MTFR1: variants seen among roughly 807,000 people sequenced by gnomAD.
MTFR1 encodes the protein chondrocyte protein with a poly-proline region.
In MTFR1, 28 loss-of-function variants were observed where a neutral mutation model predicts 38.8. The ratio of observed to expected loss-of-function variants is 0.72; its 90% CI spans 0.53 to 0.99. The LOEUF (loss-of-function observed/expected upper bound fraction) is 0.99, where lower values mean the gene tolerates loss of function less well. Among genes scored for constraint, MTFR1 ranks in the 50% least tolerant of loss-of-function variants. The probability of loss-of-function intolerance (pLI) is 0.00; values close to 1 mark genes in which losing one functional copy is unlikely to be tolerated. For missense variants in MTFR1, 358 were observed against 395.5 expected, an observed-to-expected ratio of 0.91 and a Z score of 0.81; for synonymous variants, 145 against 137.0, an observed-to-expected ratio of 1.06 and a Z score of -0.41.
chr8:65,671,567 C>G (rs1448866927), intron 2 of MTFR1, among the ~76,000 whole-genome samples: 2 of 148,886 alleles, frequency 1.3e-5, no homozygotes, highest in African/African-American at 4.9e-5. Flanking sequence ...AAAAGAACTT[C>G]ACTTAGCTCA....
At chr8:65,745,451 C>A in intron 3 of MTFR1, 1 of 1,566,074 alleles carries the variant, frequency 6.4e-7, no homozygotes, top group Non-Finnish European at 8.8e-7. Flanking sequence ...ATTCCAATTT[C>A]CAACTTTTTC....
chr8:65,744,635 G>A (rs1345524003), intron 3 of MTFR1, among the ~76,000 whole-genome samples: 1 of 152,036 alleles, frequency 6.6e-6, no homozygotes, highest in East Asian at 1.9e-4. Flanking sequence ...CTGAAAGCAA[G>A]GAACCACTGC....
At chr8:65,745,950 G>T (rs1292365213) in intron 3 of MTFR1, among the ~76,000 whole-genome samples, 1 of 147,316 alleles carries the variant, frequency 6.8e-6, no homozygotes, top group African/African-American at 2.7e-5. Flanking sequence ...TTGAGACAGG[G>T]TCTCACACTC....
At chr8:65,649,528 T>C (rs1427883596) in intron 1 of MTFR1, among the ~76,000 whole-genome samples, 1 of 152,160 alleles carries the variant, frequency 6.6e-6, no homozygotes, top group East Asian at 1.9e-4. Context: ...AATAGGTATA[T>C]GTATTTATGG....
intron 7 of MTFR1, 27 bp downstream of exon 7, chr8:65,708,038 C>T (rs1173562541): frequency 6.2e-7 from 1 of 1,608,904 alleles, no homozygotes; most frequent in Non-Finnish European, 8.5e-7. Context: ...GATTTCTTTC[C>T]TGTTATGTAG....
In MTFR1 at chr8:65,710,132, C is replaced by T. The variant is rs1164283713; in HGVS notation, c.*1088C>T. 6.6e-6 allele frequency: 1 copy of T among 152,080 alleles called. No homozygotes were observed. The highest frequency in any genetic ancestry group is 2.4e-5 in the African/African-American group (1 of 41,428). The allele number at this position is 152,080 out of a possible 1,614,324, so 9.4% of individuals were successfully genotyped here. On this transcript the variant is annotated 3_prime_UTR_variant, in exon 8 of 8. Coordinates refer to ENST00000262146, the MANE Select transcript of MTFR1 (RefSeq NM_014637.4). ...TCATGGTTTTTCTATTTCTGATACA[C>T]TCAGCTATAGTTAATACCAGAGTAT...
intron 3 of MTFR1, among the ~76,000 whole-genome samples, chr8:65,683,707 A>G (rs1804978234): frequency 6.6e-6 from 1 of 151,824 alleles, no homozygotes; most frequent in African/African-American, 2.4e-5. Flanking sequence ...TGGAGGTGAA[A>G]TCTGTTTCTT....
intron 2 of MTFR1, among the ~76,000 whole-genome samples, chr8:65,670,559 A>C (rs1238855502): frequency 2.0e-5 from 3 of 152,140 alleles, no homozygotes; most frequent in African/African-American, 7.2e-5. Context: ...TAGACCTATA[A>C]ATTATTAGAG....
intron 1 of MTFR1, among the ~76,000 whole-genome samples, chr8:65,659,308 G>A (rs993756856): frequency 1.3e-5 from 2 of 151,790 alleles, no homozygotes; most frequent in African/African-American, 2.4e-5. Context: ...GCTACAAAGT[G>A]AAACCAGCAC....
intron 4 of MTFR1, among the ~76,000 whole-genome samples, chr8:65,696,582 T>C (rs768056445): frequency 5.9e-5 from 9 of 152,210 alleles, no homozygotes; most frequent in Non-Finnish European, 1.0e-4. Flanking sequence ...TCTTAATGGC[T>C]AGCAACTACT....
intron 3 of MTFR1, chr8:65,689,567 T>C (rs1805209350): frequency 7.9e-7 from 1 of 1,269,688 alleles, no homozygotes; most frequent in Non-Finnish European, 1.0e-6. Flanking sequence ...TAATAATAGC[T>C]GTAGTAGGAC....
chr8:65,732,544 A>C (rs1806944814), intron 3 of MTFR1, among the ~76,000 whole-genome samples: 1 of 151,972 alleles, frequency 6.6e-6, no homozygotes, highest in Non-Finnish European at 1.5e-5. Context: ...TATCTATCTA[A>C]AGATAGGTTG....
rs772651740 is a variant in MTFR1, at chr8:65,704,908, G to A, written c.496G>A (p.Glu166Lys). The change falls in exon 5 of 8, where the codon GAG becomes AAG. Residue 166 changes from glutamate to lysine, a missense_variant. Transcript: ENST00000262146. ...GATTGCCAAAATTGTGACCCAGCAG[G>A]AGCAGCAAAATCTCACTGCAGGTCT... Reference protein sequence around the residue: ...AQIAKIVTQQEQQNLTAGDLD... With the variant: ...AQIAKIVTQQKQQNLTAGDLD... 5.0e-6 allele frequency: 8 copies of A among 1,597,034 alleles called. No individual in the cohort carries two copies. In the Middle Eastern group the frequency reaches 1.2e-3, roughly 231 times the overall value.
chr8:65,751,370 C>T (rs965188400), intron 3 of MTFR1, among the ~76,000 whole-genome samples: 7 of 152,118 alleles, frequency 4.6e-5, no homozygotes, highest in African/African-American at 1.7e-4. Context: ...AAGAAAATAA[C>T]AGTGAATGAT....
chr8:65,723,543 A>G, intron 3 of MTFR1: 1 of 1,562,792 alleles, frequency 6.4e-7, no homozygotes, highest in Non-Finnish European at 8.6e-7. Flanking sequence ...ATAGTTACCA[A>G]TCTGGATGTT....
At chr8:65,679,334 G>A (rs913907422) in intron 2 of MTFR1, among the ~76,000 whole-genome samples, 4 of 152,166 alleles carry the variant, frequency 2.6e-5, no homozygotes, top group East Asian at 1.9e-4. Flanking sequence ...GGCCATGTGC[G>A]GTGGTGCACG....
downstream of MTFR1, chr8:65,714,325 A>C (rs1806045909): frequency 6.6e-6 from 1 of 151,908 alleles, no homozygotes; most frequent in Non-Finnish European, 1.5e-5. Flanking sequence ...GGAACACATT[A>C]ATTCCAAATT....
At position 65,769,980 on chromosome 8, in the gene MTFR1, CATA is replaced by C. The variant is rs529056847; in HGVS notation, c.*49-963_*49-961del. Among the ~76,000 whole-genome samples the C allele has an allele frequency of 2.8e-3, 429 of 152,300 alleles. 2 individuals are homozygous for C. Among genetic ancestry groups the C allele is most frequent in the African/African-American group, 9.8e-3 (407 of 41,562 alleles). On this transcript the variant is annotated intron_variant, in intron 3 of 3. Coordinates refer to the MTFR1 transcript ENST00000521247. ...TGATTTTTAATTAGGTGAATAATTT[CATA>C]ATACCATACTCTTAAAAATTTTTGT...
chr8:65,712,212 C>G (rs1805965940), downstream of MTFR1, among the ~76,000 whole-genome samples: 1 of 152,166 alleles, frequency 6.6e-6, no homozygotes, highest in South Asian at 2.1e-4. Flanking sequence ...AAGGATACAG[C>G]TAGAGCATGG....
Sources: allele counts gnomAD v4.1 joint callset (sites outside exome capture counted in the v4.1 genomes callset), GRCh38; gene constraint gnomAD v4.1.1; transcripts MANE v1.5; gene names NCBI Gene and HGNC (gene_info 2026-07-23, HGNC 2026-07-21).